ANKRD28: variants seen among roughly 807,000 people sequenced by gnomAD.
ANKRD28 encodes ankyrin repeat domain 28.
A neutral mutation model predicts 126.5 loss-of-function variants in ANKRD28; 44 were observed. The ratio of observed to expected loss-of-function variants is 0.35; its 90% confidence interval spans 0.27 to 0.45. The LOEUF (loss-of-function observed/expected upper bound fraction) is 0.45, where lower values mean the gene tolerates loss of function less well. ANKRD28 is among the 20% of genes least tolerant of loss of function. The pLI, the probability that ANKRD28 is intolerant of heterozygous loss-of-function variation, is 1.00. For synonymous variants in ANKRD28, 442 were observed against 468.5 expected (o/e 0.94, Z 0.73); for missense variants, 1,110 against 1,316.6 (o/e 0.84, Z 2.43).
rs1035264333 is a variant in ANKRD28 at position 15,678,044 on chromosome 3, TA to T, written c.2707+164del. ...AGACTCCTCAATAGTCAGGGCAAAC[TA>T]AAACATTGTATCCCTAAATGAAAAT... On this transcript the variant is annotated intron_variant, in intron 24 of 27. Coordinates refer to ENST00000683139, the MANE Select transcript of ANKRD28 (RefSeq NM_001349278.2). Among the ~76,000 whole-genome samples, 10 of 152,194 alleles carry T rather than the reference TA, an allele frequency of 6.6e-5. 1 individual carries two copies. Among genetic ancestry groups the T allele is most frequent in the Admixed American group, 5.9e-4 (9 of 15,270 alleles).
At chr3:15,726,147 A>T (rs1410377280) in intron 6 of ANKRD28, among the ~76,000 whole-genome samples, 2 of 152,192 alleles carry the variant, frequency 1.3e-5, no homozygotes, top group East Asian at 3.8e-4. Flanking sequence ...ACAGTATTAA[A>T]ATTAGGCCAA....
At chr3:15,798,606 A>G (rs1435536097), upstream of ANKRD28, among the ~76,000 whole-genome samples, 1 of 152,098 alleles carries the variant, frequency 6.6e-6, no homozygotes, top group Non-Finnish European at 1.5e-5. Flanking sequence ...TCCCATTTGG[A>G]TAGGGAATAA....
chr3:15,798,932 G>A (rs539124446), upstream of ANKRD28, among the ~76,000 whole-genome samples: 27 of 152,106 alleles, frequency 1.8e-4, no homozygotes, highest in African/African-American at 6.3e-4. Flanking sequence ...GAACATCTGT[G>A]ATATGCTATG....
At chr3:15,697,119 G>T (rs1011702950) in intron 14 of ANKRD28, among the ~76,000 whole-genome samples, 1 of 152,100 alleles carries the variant, frequency 6.6e-6, no homozygotes, top group Non-Finnish European at 1.5e-5. Flanking sequence ...GACATAGAAA[G>T]GAACAAAATA....
intron 1 of ANKRD28, among the ~76,000 whole-genome samples, chr3:15,808,251 A>G (rs940159585): frequency 6.6e-6 from 1 of 152,212 alleles, no homozygotes; most frequent in Non-Finnish European, 1.5e-5. Context: ...TTGAAGTCCT[A>G]TTCAAAATTA....
At chr3:15,771,774 T>C (rs2059023409) in intron 2 of ANKRD28, among the ~76,000 whole-genome samples, 1 of 152,226 alleles carries the variant, frequency 6.6e-6, no homozygotes, top group African/African-American at 2.4e-5. Context: ...TTGAAACATT[T>C]AGATAAACCA....
Position 15,817,844 on chromosome 3 carries a change from C to T in ANKRD28, c.28-22538G>A, listed in dbSNP as rs2125903001. On this transcript the variant is annotated intron_variant, in intron 1 of 27. Transcript: ENST00000399451. This position sits in a 1 kb window ranked among gnomAD's most constrained non-coding sequence, Gnocchi z 4.5. ...GGAAGGGAAGAAATAAAAGTGCTTG[C>T]ATTCACAGACAACATGATTGTCTTT... 6.6e-6 allele frequency among the ~76,000 whole-genome samples: 1 copy of T among 152,168 alleles called. No homozygotes were observed. The highest frequency in any genetic ancestry group is 1.9e-4 in the East Asian group (1 of 5,184).
chr3:15,857,860 G>A (rs894348514), intron 1 of ANKRD28, among the ~76,000 whole-genome samples: 1 of 152,184 alleles, frequency 6.6e-6, no homozygotes, highest in Non-Finnish European at 1.5e-5. Context: ...AGAAACAAAG[G>A]AAAACATCGA....
chr3:15,715,766 G>A (rs74548191), intron 8 of ANKRD28, among the ~76,000 whole-genome samples: 2,571 of 152,086 alleles, frequency 0.017, 73 homozygotes, highest in African/African-American at 0.058. Flanking sequence ...CTGTTGTACA[G>A]AGTAAATACA....
rs1327609682 is a variant in ANKRD28 at position 15,816,158 on chromosome 3, A to G, written c.28-20852T>C. On this transcript the variant is annotated intron_variant, in intron 1 of 27. Transcript: ENST00000399451. The surrounding 1 kb of genome is among the most constrained non-coding windows in gnomAD (Gnocchi z 5.0). The stretch of plus-strand genomic sequence containing the variant: ...AACTATGTGGCTCTTGATGCTTATC[A>G]GGCAACATGTAATTGCAATGATTTT... Among the ~76,000 whole-genome samples the G allele has an allele frequency of 1.3e-5, 2 of 152,238 alleles. No individual in the cohort carries two copies. The highest frequency in any genetic ancestry group is 2.9e-5 in the Non-Finnish European group (2 of 68,034).
chr3:15,814,742 ACT>A lies in ANKRD28; in HGVS notation c.28-19438_28-19437del, dbSNP rs561145284. The stretch of plus-strand genomic sequence containing the variant: ...CCATGGGGACGTGTTGATTTAAGAA[ACT>A]GCCTATGAAAAGTTTAAAATATTCA... On this transcript the variant is annotated intron_variant, in intron 1 of 27. Coordinates refer to the ANKRD28 transcript ENST00000399451. The surrounding 1 kb of genome is among the most constrained non-coding windows in gnomAD (Gnocchi z 4.7). 1.8e-4 allele frequency among the ~76,000 whole-genome samples: 28 copies of A among 152,188 alleles called. 1 individual carries two copies. The South Asian group carries it at 5.4e-3, about 29-fold the overall frequency.
intron 21 of ANKRD28, chr3:15,683,994 G>A (rs1301510123): frequency 6.6e-6 from 1 of 152,156 alleles, no homozygotes; most frequent in East Asian, 1.9e-4. Context: ...TTGAGGGAAG[G>A]TTATTAGAAT....
intron 4 of ANKRD28, among the ~76,000 whole-genome samples, chr3:15,746,295 G>A (rs1271110602): frequency 1.3e-5 from 2 of 152,242 alleles, no homozygotes; most frequent in African/African-American, 4.8e-5. Context: ...CTGGTTCTCA[G>A]GGGGAATGCT....
chr3:15,849,853 T>A (rs11712323), intron 1 of ANKRD28, among the ~76,000 whole-genome samples: 1 of 151,870 alleles, frequency 6.6e-6, no homozygotes, highest in Non-Finnish European at 1.5e-5. Flanking sequence ...AAGATCACCA[T>A]GTATACGGAA....
At chr3:15,743,512 C>G (rs759837030) in intron 4 of ANKRD28, among the ~76,000 whole-genome samples, 1 of 150,372 alleles carries the variant, frequency 6.7e-6, no homozygotes, top group East Asian at 2.0e-4. Flanking sequence ...AAATATAAGT[C>G]GTATGCTCTC....
chr3:15,696,183 T>C lies in ANKRD28; in HGVS notation c.1610A>G (p.Asn537Ser). 6.3e-7 allele frequency: 1 copy of C among 1,594,810 alleles called. No individual in the cohort carries two copies. The highest frequency in any genetic ancestry group is 8.6e-7 in the Non-Finnish European group (1 of 1,168,950). ...ATAAGCAGCTGAATAATGAACTGCG[T>C]TGTATCCTTGCTTATCACGGATCCC... ...NPGIRDKQGY[N>S]AVHYSAAYGH... is the part of the protein sequence containing the mutation. The change falls in exon 15 of 28, where the codon AAC becomes AGC. Residue 537 changes from asparagine (N) to serine (S), a missense_variant. By Grantham distance (46) the Asn-to-Ser change is conservative. Coordinates refer to ENST00000683139, the MANE Select transcript of ANKRD28 (RefSeq NM_001349278.2).
At chr3:15,744,321 C>CT (rs1184487009) in intron 4 of ANKRD28, among the ~76,000 whole-genome samples, 176 of 148,810 alleles carry the variant, frequency 1.2e-3, no homozygotes, top group African/African-American at 3.9e-3. Flanking sequence ...TTATCTTTTT[C>CT]TTTTTTTTTT....
At position 15,780,009 on chromosome 3, in the gene ANKRD28, C is replaced by T. The variant is rs530567047; in HGVS notation, c.202-13697G>A. Among the ~76,000 whole-genome samples the T allele has an allele frequency of 6.3e-4, 96 of 152,220 alleles. 2 individuals carry two copies. In the South Asian group the frequency reaches 0.019, roughly 31 times the overall value. Reference sequence around the variant, plus strand: ...CAAAGTTGAAAGCTTTCTTCTAAGACGAGGGACAAGAATGCTGCCCACCCT... The same window carrying T: ...CAAAGTTGAAAGCTTTCTTCTAAGATGAGGGACAAGAATGCTGCCCACCCT... On this transcript the variant is annotated intron_variant, in intron 2 of 27. Transcript: ENST00000683139.
rs62240845 is a variant in ANKRD28, at chr3:15,854,957, G to A, written c.27+4420C>T. On this transcript the variant is annotated intron_variant, in intron 1 of 27. Coordinates refer to the ANKRD28 transcript ENST00000399451. The surrounding 1 kb of genome is among the most constrained non-coding windows in gnomAD (Gnocchi z 4.1). ...CCAGCTACTAGGGAGGCTGAGGCAG[G>A]AGAATTGCTTGAACTAGGGAGGCAG... is the stretch of plus-strand genomic sequence containing the variant. Among the ~76,000 whole-genome samples, 57 of 152,324 alleles carry A rather than the reference G, an allele frequency of 3.7e-4. No individual in the cohort carries two copies. The highest frequency in any genetic ancestry group is 6.3e-4 in the Non-Finnish European group (43 of 68,038).
Sources: allele counts gnomAD v4.1 joint callset (sites outside exome capture counted in the v4.1 genomes callset), GRCh38; gene constraint gnomAD v4.1.1; non-coding constraint Gnocchi (gnomAD v3.1); transcripts MANE v1.5; gene names NCBI Gene and HGNC (gene_info 2026-07-23, HGNC 2026-07-21).